Variants in KMT2C observed in about 807,000 individuals in gnomAD.
KMT2C encodes the protein lysine methyltransferase 2C, also known as histone-lysine N-methyltransferase 2C.
KMT2C carries 88 observed loss-of-function variants against 507.9 expected under a neutral mutation model. That is an observed-to-expected ratio of 0.17 (90% CI 0.15 to 0.21). The LOEUF (loss-of-function observed/expected upper bound fraction) is 0.21. Among genes scored for constraint, KMT2C ranks in the 10% least tolerant of loss-of-function variants. KMT2C has a pLI of 1.00. For missense variants in KMT2C, 4,954 were observed against 5,957.8 expected, an observed-to-expected ratio of 0.83 and a Z score of 5.55; for synonymous variants, 2,049 against 2,080.8, an observed-to-expected ratio of 0.98 and a Z score of 0.42.
intron 1 of KMT2C, among the ~76,000 whole-genome samples, chr7:152,361,456 G>T (rs1410436483): frequency 6.6e-6 from 1 of 151,938 alleles, no homozygotes; most frequent in Admixed American, 6.6e-5. Flanking sequence ...CCAGCTACTC[G>T]GGAGGCTGAG....
At chr7:152,230,072 A>G in intron 17 of KMT2C, 45 bp from the exon 18 acceptor site, 1 of 966,438 alleles carries the variant, frequency 1.0e-6, no homozygotes, top group Non-Finnish European at 1.6e-6. Flanking sequence ...AGACTAAGCT[A>G]AAAACCTACA....
chr7:152,156,599 A>C (rs2092065085), intron 44 of KMT2C, among the ~76,000 whole-genome samples: 1 of 152,220 alleles, frequency 6.6e-6, no homozygotes, highest in Non-Finnish European at 1.5e-5. Context: ...TGAAATTAAG[A>C]AGCTAATTTC....
intron 9 of KMT2C, among the ~76,000 whole-genome samples, chr7:152,257,453 G>A (rs954952228): frequency 6.6e-6 from 1 of 152,144 alleles, no homozygotes; most frequent in African/African-American, 2.4e-5. Flanking sequence ...ATAGTATTGA[G>A]TTTTGAAAGT....
At chr7:152,172,398 T>C (rs992612978) in intron 39 of KMT2C, among the ~76,000 whole-genome samples, 56 of 152,182 alleles carry the variant, frequency 3.7e-4, no homozygotes, top group Non-Finnish European at 8.8e-5. Flanking sequence ...GAGGTCCATA[T>C]TTAAAACTAA....
intron 1 of KMT2C, among the ~76,000 whole-genome samples, chr7:152,433,646 A>G (rs935968175): frequency 1.3e-5 from 2 of 152,272 alleles, no homozygotes; most frequent in African/African-American, 4.8e-5. Flanking sequence ...TGTTCTAAAT[A>G]TTTCCAAAAG....
At position 152,224,147 on chromosome 7, in the gene KMT2C, G is replaced by C. The variant is rs1265726305; in HGVS notation, c.3191C>G (p.Ser1064Cys). 4 of 1,608,742 alleles carry C rather than the reference G, an allele frequency of 2.5e-6. No homozygotes were observed. The highest frequency in any genetic ancestry group is 3.4e-6 in the Non-Finnish European group (4 of 1,177,274). The change falls in exon 20 of 59, where the codon TCT (serine) becomes TGT (cysteine). Residue 1064 changes from serine (S) to cysteine (C), a missense_variant. Coordinates refer to ENST00000262189, the MANE Select transcript of KMT2C (RefSeq NM_170606.3). The part of the protein sequence containing the change: ...CVWCRHCGAT[S>C]AGLRCEWQNN... ...CTGCCATTCACATCTTAGACCTGCA[G>C]ATGTTGCTCCACAGTGTCTGCACCA...
rs757087609 is a variant in KMT2C, at chr7:152,149,138, T to C, written c.12789A>G (p.Ser4263=). 2.1e-5 allele frequency: 30 copies of C among 1,458,628 alleles called. No individual in the cohort carries two copies. The highest frequency in any genetic ancestry group is 7.2e-5 in the East Asian group (3 of 41,530). 90.4% of individuals were successfully genotyped at this position (1,458,628 alleles called of 1,614,324 possible). ...TTTCTCTCATAGGTGATTGTGGCAA[T>C]GAAGGAATGGATTCCTGGGCAACAT... is the stretch of plus-strand genomic sequence containing the variant. ...KNSENKESIP[S]LPQSPMRETP... is the part of the protein sequence containing the mutation. Residue 4263 remains serine (S), a synonymous_variant, in exon 52 of 59, where the codon TCA becomes TCG. Transcript: ENST00000262189.
chr7:152,148,396 T>C lies in KMT2C; in HGVS notation c.13531A>G (p.Ile4511Val). 6.2e-7 allele frequency: 1 copy of C among 1,614,278 alleles called. No homozygotes were observed. Among genetic ancestry groups the C allele is most frequent in the Non-Finnish European group, 8.5e-7 (1 of 1,180,048 alleles). Residue 4511 changes from isoleucine to valine, a missense_variant, in exon 52 of 59, where the codon ATT becomes GTT. By Grantham distance (29) the Ile-to-Val change is conservative. Coordinates refer to ENST00000262189, the MANE Select transcript of KMT2C (RefSeq NM_170606.3). This position sits in a 1 kb window ranked among gnomAD's most constrained non-coding sequence, Gnocchi z 7.1. ...AAGTAACTTAATTCTTGCTCATGAA[T>C]TCCCTTTGGTTTGTGCATGGGGCAA... ...MLCPMHKPKG[I>V]HEQELSYFAV...
chr7:152,387,385 C>T (rs1442873915), intron 1 of KMT2C, among the ~76,000 whole-genome samples: 1 of 149,568 alleles, frequency 6.7e-6, no homozygotes, highest in Non-Finnish European at 1.5e-5. Context: ...CTACATTAAT[C>T]ACAATATACC....
chr7:152,217,366 G>C (rs2094611306), intron 23 of KMT2C, among the ~76,000 whole-genome samples: 1 of 152,126 alleles, frequency 6.6e-6, no homozygotes, highest in Admixed American at 6.5e-5. Flanking sequence ...GCAAAGTGTG[G>C]CAATACTGAA....
At chr7:152,426,071 C>T (rs948901586) in intron 1 of KMT2C, among the ~76,000 whole-genome samples, 1 of 151,848 alleles carries the variant, frequency 6.6e-6, no homozygotes, top group Admixed American at 6.6e-5. Context: ...GACTGTTTTT[C>T]GTGTATTGCT....
intron 43 of KMT2C, among the ~76,000 whole-genome samples, chr7:152,159,599 T>C (rs962776585): frequency 9.2e-5 from 14 of 152,316 alleles, no homozygotes; most frequent in Non-Finnish European, 1.8e-4. Flanking sequence ...GAAAAAACAC[T>C]GGTTCTTCAA....
chr7:152,296,769 A>G (rs1260491506), intron 6 of KMT2C, among the ~76,000 whole-genome samples: 1 of 151,974 alleles, frequency 6.6e-6, no homozygotes, highest in Non-Finnish European at 1.5e-5. Flanking sequence ...TACTTGCATA[A>G]TACTTCTAAT....
At chr7:152,156,929 A>G (rs1033413581) in intron 44 of KMT2C, among the ~76,000 whole-genome samples, 1 of 152,164 alleles carries the variant, frequency 6.6e-6, no homozygotes, top group African/African-American at 2.4e-5. Context: ...GTTATCACCA[A>G]TTTGTCATTT....
intron 6 of KMT2C, among the ~76,000 whole-genome samples, chr7:152,300,091 T>C (rs891622294): frequency 3.3e-5 from 5 of 152,252 alleles, no homozygotes; most frequent in South Asian, 4.1e-4. Flanking sequence ...AGCCTGTCTA[T>C]AATGGAGAAT....
intron 6 of KMT2C, among the ~76,000 whole-genome samples, chr7:152,303,079 A>G (rs2096585202): frequency 6.6e-6 from 1 of 152,194 alleles, no homozygotes; most frequent in Admixed American, 6.5e-5. Flanking sequence ...AGGGAAATTA[A>G]AAGAAAAACG....
intron 2 of KMT2C, among the ~76,000 whole-genome samples, chr7:152,355,232 T>C (rs2097142575): frequency 6.6e-6 from 1 of 152,186 alleles, no homozygotes. Context: ...CTGAACAATA[T>C]ACAGTGGCAA....
At chr7:152,358,477 T>TA (rs1324705756) in intron 2 of KMT2C, 110 bp downstream of exon 2, 1 of 674,330 alleles carries the variant, frequency 1.5e-6, no homozygotes, top group East Asian at 2.7e-5. Flanking sequence ...TAGAGTTCAG[T>TA]ATAAAAACAA....
chr7:152,334,473 T>C (rs575828153), intron 2 of KMT2C, among the ~76,000 whole-genome samples: 3 of 152,038 alleles, frequency 2.0e-5, no homozygotes, highest in South Asian at 2.1e-4. Context: ...AGAAAGAAAG[T>C]AGACAAAGGA....
Sources: allele counts gnomAD v4.1 joint callset (sites outside exome capture counted in the v4.1 genomes callset), GRCh38; gene constraint gnomAD v4.1.1; non-coding constraint Gnocchi (gnomAD v3.1); transcripts MANE v1.5; gene names NCBI Gene and HGNC (gene_info 2026-07-23, HGNC 2026-07-21).